Variants in RTN1 observed in about 807,000 individuals in gnomAD.
The protein encoded by RTN1 is reticulon-1.
Under a neutral mutation model 65.5 loss-of-function variants are expected in RTN1, and 25 were observed. That is an observed-to-expected ratio of 0.38 (90% CI 0.28 to 0.53). The LOEUF is 0.53. RTN1 is among the 20% of genes least tolerant of loss of function. The pLI, the probability that RTN1 is intolerant of heterozygous loss-of-function variation, is 0.79. For missense variants in RTN1, 983 were observed against 1,025.4 expected, an observed-to-expected ratio of 0.96 and a Z score of 0.57; for synonymous variants, 471 against 447.6, an observed-to-expected ratio of 1.05 and a Z score of -0.66.
intron 8 of RTN1, among the ~76,000 whole-genome samples, chr14:59,601,261 C>T (rs936597919): frequency 6.6e-6 from 1 of 152,182 alleles, no homozygotes; most frequent in African/African-American, 2.4e-5. Flanking sequence ...CCTCTTGCAA[C>T]GTCTTTCCCC....
chr14:59,631,973 T>TA (rs1365356760), intron 3 of RTN1, among the ~76,000 whole-genome samples: 1 of 152,208 alleles, frequency 6.6e-6, no homozygotes, highest in African/African-American at 2.4e-5. Context: ...TACATTTGCA[T>TA]ACCCCACACC....
chr14:59,690,540 G>T (rs1216400824), intron 3 of RTN1, among the ~76,000 whole-genome samples: 1 of 152,070 alleles, frequency 6.6e-6, no homozygotes, highest in Non-Finnish European at 1.5e-5. Flanking sequence ...AATAGAGGCA[G>T]AAAACTAATG....
intron 1 of RTN1, among the ~76,000 whole-genome samples, chr14:59,819,641 G>A (rs969187507): frequency 5.9e-5 from 9 of 152,124 alleles, no homozygotes; most frequent in Non-Finnish European, 1.0e-4. Context: ...CGGGCGCTGC[G>A]GAGCAGGGGA....
chr14:59,758,906 G>A (rs914812861), intron 1 of RTN1, among the ~76,000 whole-genome samples: 1 of 152,150 alleles, frequency 6.6e-6, no homozygotes, highest in Admixed American at 6.5e-5. Context: ...GCACCAAAAT[G>A]AAGGACATTC....
chr14:59,637,098 T>C (rs763384376), intron 3 of RTN1, among the ~76,000 whole-genome samples: 1 of 152,228 alleles, frequency 6.6e-6, no homozygotes, highest in Non-Finnish European at 1.5e-5. Flanking sequence ...TTACCCACAG[T>C]AGAAGTTCTT....
At chr14:59,686,824 T>C (rs1165645420) in intron 3 of RTN1, among the ~76,000 whole-genome samples, 1 of 152,200 alleles carries the variant, frequency 6.6e-6, no homozygotes, top group East Asian at 1.9e-4. Context: ...TGGGAAAAGC[T>C]GCAGACATTT....
rs569455692 is a variant in RTN1 at position 59,829,360 on chromosome 14, A to T, written c.241+41030T>A. On this transcript the variant is annotated intron_variant, in intron 1 of 8. Transcript: ENST00000267484. This position sits in a 1 kb window ranked among gnomAD's most constrained non-coding sequence, Gnocchi z 4.3. ...TTTGGAGGAGTTTCATGCCCCTGTA[A>T]TTAAGGTATGCATTAAAAAACACCT... Among the ~76,000 whole-genome samples, 3 of 152,226 alleles carry T rather than the reference A, an allele frequency of 2.0e-5. No individual in the cohort carries two copies. The highest frequency in any genetic ancestry group is 4.4e-5 in the Non-Finnish European group (3 of 68,004).
chr14:59,837,368 G>A (rs980717598), intron 1 of RTN1, among the ~76,000 whole-genome samples: 1 of 151,848 alleles, frequency 6.6e-6, no homozygotes, highest in African/African-American at 2.4e-5. Context: ...GAAAAAATGT[G>A]AATTTGTTTA....
chr14:59,675,385 T>C (rs973239449), intron 3 of RTN1, among the ~76,000 whole-genome samples: 2 of 149,722 alleles, frequency 1.3e-5, no homozygotes, highest in African/African-American at 5.0e-5. Context: ...GGAATGCTAA[T>C]TTGGGGATCA....
chr14:59,637,710 C>CAAA (rs36015610), intron 3 of RTN1, among the ~76,000 whole-genome samples: 53 of 112,208 alleles, frequency 4.7e-4, no homozygotes, highest in African/African-American at 1.3e-3. Flanking sequence ...GACTCCGTCT[C>CAAA]AAAAAAAAAA....
chr14:59,657,863 C>T (rs1402850343), intron 3 of RTN1, among the ~76,000 whole-genome samples: 3 of 150,880 alleles, frequency 2.0e-5, no homozygotes, highest in Non-Finnish European at 3.0e-5. Flanking sequence ...TTTTTCATAC[C>T]CCAGTGGCAC....
intron 1 of RTN1, among the ~76,000 whole-genome samples, chr14:59,862,925 T>A (rs548337657): frequency 5.3e-5 from 8 of 152,144 alleles, no homozygotes; most frequent in Non-Finnish European, 1.0e-4. Flanking sequence ...ATTTCATTGA[T>A]AAAATAGAAG....
At chr14:59,858,186 G>A (rs373961620) in intron 1 of RTN1, among the ~76,000 whole-genome samples, 10 of 152,214 alleles carry the variant, frequency 6.6e-5, no homozygotes, top group East Asian at 1.9e-4. Flanking sequence ...TATTCCCCAC[G>A]TCTCCTACAA....
intron 3 of RTN1, among the ~76,000 whole-genome samples, chr14:59,622,521 A>AGGCT (rs35436228): frequency 0.46 from 69,345 of 151,706 alleles, 18,164 homozygotes; most frequent in East Asian, 0.84. Flanking sequence ...CAGAGTAAGA[A>AGGCT]GGCTAGACAA....
intron 3 of RTN1, among the ~76,000 whole-genome samples, chr14:59,612,186 G>T (rs10134866): frequency 3.3e-5 from 5 of 152,188 alleles, no homozygotes; most frequent in African/African-American, 1.2e-4. Flanking sequence ...GGTTCCCCTT[G>T]CAGCCCATTG....
intron 3 of RTN1, among the ~76,000 whole-genome samples, chr14:59,651,117 G>A (rs889946837): frequency 3.9e-5 from 6 of 152,114 alleles, no homozygotes; most frequent in South Asian, 2.1e-4. Context: ...GAGGTGTCAC[G>A]TTACTCAACT....
intron 3 of RTN1, among the ~76,000 whole-genome samples, chr14:59,665,594 T>C (rs1408181266): frequency 6.6e-6 from 1 of 152,158 alleles, no homozygotes; most frequent in African/African-American, 2.4e-5. Context: ...TATAACAATA[T>C]TAACCTTAAA....
chr14:59,762,014 T>A (rs1052393461), intron 1 of RTN1, among the ~76,000 whole-genome samples: 89 of 152,102 alleles, frequency 5.9e-4, no homozygotes, highest in African/African-American at 2.1e-3. Flanking sequence ...TGATGTGGTA[T>A]GTGGTGTGGT....
In RTN1 at chr14:59,870,531, T is replaced by C; in HGVS notation, c.100A>G (p.Thr34Ala). 3 of 1,458,794 alleles carry C rather than the reference T, an allele frequency of 2.1e-6. No homozygotes were observed. Among genetic ancestry groups the C allele is most frequent in the Non-Finnish European group, 2.7e-6 (3 of 1,111,228 alleles). The allele number at this position is 1,458,794 out of a possible 1,614,324, so 90.4% of individuals were successfully genotyped here. ...HRGEGENEAV[T>A]PKGATPAPQA... ...GGCGCCGGCGTGGCCCCTTTCGGCGTCACCGCTTCGTTCTCCCCCTCCCCC... is the reference window on the plus strand; with the variant it reads ...GGCGCCGGCGTGGCCCCTTTCGGCGCCACCGCTTCGTTCTCCCCCTCCCCC... Residue 34 changes from threonine to alanine, a missense_variant, in exon 1 of 9, where the codon ACG becomes GCG. Thr to Ala is a moderately conservative substitution (Grantham distance 58). Coordinates refer to ENST00000267484, the MANE Select transcript of RTN1 (RefSeq NM_021136.3). The surrounding 1 kb of genome is among the most constrained non-coding windows in gnomAD (Gnocchi z 5.1).
Sources: gnomAD v4.1 joint callset for allele counts (sites outside exome capture counted in the v4.1 genomes callset) on GRCh38, gnomAD v4.1.1 for gene constraint, Gnocchi (gnomAD v3.1) non-coding constraint, MANE v1.5 for transcripts, NCBI Gene and HGNC (gene_info 2026-07-23, HGNC 2026-07-21) for gene names.